PIGQ: variants seen among roughly 807,000 people sequenced by gnomAD.
PIGQ encodes the protein phosphatidylinositol glycan anchor biosynthesis class Q.
In PIGQ, 54 loss-of-function variants were observed where a neutral mutation model predicts 60.3. The ratio of observed to expected loss-of-function variants is 0.90; its 90% CI spans 0.72 to 1.12. The LOEUF is 1.12. Among genes scored for constraint, PIGQ ranks in the 50% most tolerant of loss-of-function variants. The pLI is 0.00. For missense variants in PIGQ, 799 were observed against 793.5 expected (o/e 1.01, Z -0.08); for synonymous variants, 416 against 363.7 (o/e 1.14, Z -1.64).
Position 574,309 on chromosome 16 carries a change from C to G in PIGQ, c.235C>G (p.Arg79Gly). 1 of 1,606,558 alleles carries G rather than the reference C, an allele frequency of 6.2e-7. No homozygotes were observed. Among genetic ancestry groups the G allele is most frequent in the Non-Finnish European group, 8.5e-7 (1 of 1,179,094 alleles). The change falls in exon 2 of 11, where the codon CGC becomes GGC. Residue 79 changes from arginine to glycine, a missense_variant. Coordinates refer to ENST00000321878, the MANE Select transcript of PIGQ (RefSeq NM_004204.5). ...CRQEPEESLG[R>G]FLESLGAVFP... ...GCAGGAGCCCGAGGAGAGCCTGGGCCGCTTCCTGGAGAGCCTGGGTGCTGT... is the reference window on the plus strand; with the variant it reads ...GCAGGAGCCCGAGGAGAGCCTGGGCGGCTTCCTGGAGAGCCTGGGTGCTGT...
chr16:583,216 G>A lies in PIGQ; in HGVS notation c.*181G>A. The A allele has an allele frequency of 1.9e-6, 3 of 1,613,132 alleles. No homozygotes were observed. The highest frequency in any genetic ancestry group is 3.3e-5 in the Admixed American group (2 of 60,028). ...GAGGTCATTGGGAGTGAGCAGATGTGGGGGTGGCCAGCCAGGCTGGCCGCA... is the reference window on the plus strand; with the variant it reads ...GAGGTCATTGGGAGTGAGCAGATGTAGGGGTGGCCAGCCAGGCTGGCCGCA... On this transcript the variant is annotated 3_prime_UTR_variant, in exon 11 of 11. Coordinates refer to ENST00000321878, the MANE Select transcript of PIGQ (RefSeq NM_004204.5).
At chr16:572,634 C>T (rs777650237) in intron 1 of PIGQ, 16 of 455,646 alleles carry the variant, frequency 3.5e-5, no homozygotes, top group South Asian at 2.3e-4. Flanking sequence ...GCGTGGTGGG[C>T]TCTGAGACCT....
chr16:576,329 G>C (rs1217756708), intron 4 of PIGQ, 75 bp downstream of exon 4: 1 of 1,471,406 alleles, frequency 6.8e-7, no homozygotes, highest in African/African-American at 1.4e-5. Context: ...GCCTTCCCGG[G>C]CCAGAGCCAC....
intron 1 of PIGQ, among the ~76,000 whole-genome samples, chr16:572,272 C>A (rs774767902): frequency 2.0e-5 from 3 of 152,208 alleles, no homozygotes; most frequent in Non-Finnish European, 4.4e-5. Context: ...AGCTGGCCTC[C>A]AGGCATCCAC....
chr16:571,516 GTGTGTCTGGCTAGCCTGGCGCC>G (rs2035627446), intron 1 of PIGQ, among the ~76,000 whole-genome samples: 167 of 127,772 alleles, frequency 1.3e-3, no homozygotes, highest in South Asian at 2.4e-3. Flanking sequence ...GTGTGTGTGT[GTGTGTCTGGCTAGCCTGGCGCC>G]TGTGTGTGTG....
rs144149535 is a variant in PIGQ at position 578,896 on chromosome 16, T to G, written c.1181T>G (p.Leu394Arg). ...TCCCTCCTCTCGGACATTATCGCCCTCCTCACCTTCCACATCTACTGCTTT... is the reference window on the plus strand; with the variant it reads ...TCCCTCCTCTCGGACATTATCGCCCGCCTCACCTTCCACATCTACTGCTTT... ...ALSLLSDIIALLTFHIYCFYV... is the reference protein window; with the variant it reads ...ALSLLSDIIARLTFHIYCFYV... Residue 394 changes from leucine to arginine, a missense_variant, in exon 6 of 11, where the codon CTC (leucine) becomes CGC (arginine). Physicochemically the swap from Leu to Arg is moderately radical, Grantham distance 102. Transcript: ENST00000321878. 1.2e-6 allele frequency: 2 copies of G among 1,613,340 alleles called. No individual in the cohort carries two copies. The highest frequency in any genetic ancestry group is 2.7e-5 in the African/African-American group (2 of 74,884).
chr16:578,732 G>A, intron 5 of PIGQ, 53 bp from the exon 6 acceptor site: 1 of 1,586,532 alleles, frequency 6.3e-7, no homozygotes, highest in Non-Finnish European at 8.6e-7. Context: ...GGGTTGTGCT[G>A]GGCCGAGGGC....
intron 10 of PIGQ, chr16:582,570 G>A (rs1346530725): frequency 7.0e-6 from 4 of 567,834 alleles, no homozygotes; most frequent in Non-Finnish European, 1.2e-5. Context: ...GCTGCCCTGG[G>A]CCCCACAGGG....
chr16:582,590 T>G (rs1265524962), intron 10 of PIGQ: 1 of 569,260 alleles, frequency 1.8e-6, no homozygotes, highest in Non-Finnish European at 3.1e-6. Flanking sequence ...GCTCAAGTTC[T>G]GGGTGGAACA....
chr16:570,288 C>T (rs2035599574), intron 1 of PIGQ, 192 bp downstream of exon 1: 1 of 152,244 alleles, frequency 6.6e-6, no homozygotes, highest in Admixed American at 6.5e-5. Context: ...CGGCCCGGGC[C>T]TGGCTGTGGG....
chr16:575,207 TG>T (rs1271884163), intron 2 of PIGQ, among the ~76,000 whole-genome samples: 1 of 152,136 alleles, frequency 6.6e-6, no homozygotes, highest in Non-Finnish European at 1.5e-5. Context: ...ATCCACTTGC[TG>T]GCCCCGTGTG....
chr16:583,308 C>T lies in PIGQ; in HGVS notation c.*273C>T. ...CTGCTGCGGTCACCATGGTGGCGAG[C>T]ACAGCAACCCCAGGTGTCCAGAGCA... On this transcript the variant is annotated 3_prime_UTR_variant, in exon 11 of 11. Transcript: ENST00000321878. 1 of 1,612,838 alleles carries T rather than the reference C, an allele frequency of 6.2e-7. No individual in the cohort carries two copies.
Position 574,134 on chromosome 16 carries a change from G to T in PIGQ, c.60G>T (p.Val20=). Residue 20 remains valine, a synonymous_variant, in exon 2 of 11, where the codon GTG becomes GTT. Coordinates refer to ENST00000321878, the MANE Select transcript of PIGQ (RefSeq NM_004204.5). ...TCTCGACGGACAGCGGGCTGCTGGT[G>T]GGACGGTGGGTGCCGGAGCAGAGCA... is the stretch of plus-strand genomic sequence containing the variant. ...CCVSTDSGLL[V]GRWVPEQSSA... is the part of the protein sequence containing the mutation. 6 of 1,611,766 alleles carry T rather than the reference G, an allele frequency of 3.7e-6. No homozygotes were observed. The highest frequency in any genetic ancestry group is 5.1e-6 in the Non-Finnish European group (6 of 1,179,564).
intron 9 of PIGQ, chr16:581,883 C>T: frequency 6.2e-6 from 2 of 325,166 alleles, no homozygotes; most frequent in Non-Finnish European, 1.2e-5. Flanking sequence ...CCTGCCTCAG[C>T]CTCCCAAGTA....
In PIGQ at chr16:574,687, G is replaced by T. The variant is rs1555451827; in HGVS notation, c.613G>T (p.Ala205Ser). ...GGAGGCCAGCATCCTCGCGGAGCTG[G>T]CCAGGCGAGCCTCGGGACCCATTTG... The part of the protein sequence containing the change: ...GVEASILAEL[A>S]RRASGPICLL... The change falls in exon 2 of 11, where the codon GCC becomes TCC. Residue 205 changes from alanine to serine, a missense_variant. Coordinates refer to ENST00000321878, the MANE Select transcript of PIGQ (RefSeq NM_004204.5). The T allele has an allele frequency of 3.7e-6, 6 of 1,603,944 alleles. No individual in the cohort carries two copies. The highest frequency in any genetic ancestry group is 1.9e-4 in the Middle Eastern group (1 of 5,184).
At chr16:577,334 T>C (rs371585822) in intron 4 of PIGQ, 2 of 152,172 alleles carry the variant, frequency 1.3e-5, no homozygotes, top group South Asian at 2.1e-4. Flanking sequence ...TCCCAGCACT[T>C]TGGGAGGCCA....
At chr16:577,421 C>A (rs571426797) in intron 4 of PIGQ, among the ~76,000 whole-genome samples, 1 of 151,144 alleles carries the variant, frequency 6.6e-6, no homozygotes, top group African/African-American at 2.4e-5. Context: ...ACTAAAAATA[C>A]AAAAAATTAG....
chr16:579,460 G>A (rs2035778300), intron 7 of PIGQ: 1 of 200,386 alleles, frequency 5.0e-6, no homozygotes, highest in Admixed American at 8.9e-5. Flanking sequence ...GACTAGAGAT[G>A]CCCCGGGCCC....
Position 574,584 on chromosome 16 carries a change from A to G in PIGQ, c.510A>G (p.Ala170=), listed in dbSNP as rs1399854420. 1.2e-6 allele frequency: 2 copies of G among 1,604,748 alleles called. No homozygotes were observed. The highest frequency in any genetic ancestry group is 4.5e-5 in the East Asian group (2 of 44,526). ...TGGCTGCCGTCTTCGACACGGTAGC[A>G]CGCAGTGAGGTGCTCTTCCGCAGTG... is the stretch of plus-strand genomic sequence containing the variant. The part of the protein sequence containing the change: ...GGLAAVFDTV[A]RSEVLFRSDR... Residue 170 remains alanine (A), a synonymous_variant, in exon 2 of 11, where the codon GCA becomes GCG. Transcript: ENST00000321878.
Sources: gnomAD v4.1 joint callset for allele counts (sites outside exome capture counted in the v4.1 genomes callset) on GRCh38, gnomAD v4.1.1 for gene constraint, MANE v1.5 for transcripts, NCBI Gene and HGNC (gene_info 2026-07-23, HGNC 2026-07-21) for gene names.